The following ZBTB7C variants were observed in gnomAD, a reference collection of about 807,000 sequenced individuals.
ZBTB7C encodes the protein zinc finger and BTB domain-containing protein 7C.
A neutral mutation model predicts 25.7 loss-of-function variants in ZBTB7C; 8 were observed. That is an observed-to-expected ratio of 0.31 (90% confidence interval 0.18 to 0.56). ZBTB7C has a LOEUF of 0.56. Ranked by LOEUF, ZBTB7C falls within the 20% of genes least tolerant of loss-of-function variation. The pLI is 0.91. For synonymous variants in ZBTB7C, 394 were observed against 369.0 expected, an observed-to-expected ratio of 1.07 and a Z score of -0.78; for missense variants, 824 against 855.2, an observed-to-expected ratio of 0.96 and a Z score of 0.46.
chr18:48,373,495 A>T (rs1215775070), intron 1 of ZBTB7C, among the ~76,000 whole-genome samples: 1 of 151,608 alleles, frequency 6.6e-6, no homozygotes, highest in Non-Finnish European at 1.5e-5. Flanking sequence ...AGAATGATAT[A>T]GTTTGGATAT....
intron 2 of ZBTB7C, among the ~76,000 whole-genome samples, chr18:48,301,015 G>T (rs1237582843): frequency 6.6e-6 from 1 of 152,224 alleles, no homozygotes; most frequent in East Asian, 1.9e-4. Flanking sequence ...TGAGGACTCA[G>T]TAAGGTTGAG....
In ZBTB7C at chr18:48,026,782, G is replaced by A. The variant is rs2035540459; in HGVS notation, c.*2478C>T. On this transcript the variant is annotated 3_prime_UTR_variant, in exon 5 of 5. Coordinates refer to ENST00000590800, the MANE Select transcript of ZBTB7C (RefSeq NM_001318841.2). ...TAAGGTGTCTTTGACATTATTTTAA[G>A]TTTATGACACCCAACAATTAAAAAC... 6.7e-6 allele frequency: 1 copy of A among 148,326 alleles called. No individual in the cohort carries two copies. The highest frequency in any genetic ancestry group is 2.5e-5 in the African/African-American group (1 of 39,862). 9.2% of individuals were successfully genotyped at this position (148,326 alleles called of 1,614,324 possible). A position where few individuals can be genotyped will look rare whatever the true frequency, so the allele number is the denominator to read the frequency against.
chr18:48,232,612 G>T (rs112289883), intron 2 of ZBTB7C, among the ~76,000 whole-genome samples: 3,690 of 152,052 alleles, frequency 0.024, 49 homozygotes, highest in Middle Eastern at 0.078. Context: ...TAATAAAATG[G>T]ATTGTTATTT....
At chr18:48,407,569 C>T (rs2048309306) in intron 1 of ZBTB7C, among the ~76,000 whole-genome samples, 1 of 152,192 alleles carries the variant, frequency 6.6e-6, no homozygotes, top group Non-Finnish European at 1.5e-5. Flanking sequence ...GTCTCTCCAC[C>T]CTTGCCTGGA....
chr18:48,238,578 G>A (rs1298349040), intron 2 of ZBTB7C, among the ~76,000 whole-genome samples: 1 of 152,172 alleles, frequency 6.6e-6, no homozygotes, highest in Non-Finnish European at 1.5e-5. Flanking sequence ...AATTTAGAGA[G>A]CCGAATGAAA....
intron 1 of ZBTB7C, among the ~76,000 whole-genome samples, chr18:48,366,804 G>A (rs1022790796): frequency 1.3e-5 from 2 of 152,172 alleles, no homozygotes; most frequent in East Asian, 3.9e-4. Flanking sequence ...ACCAGCGAGT[G>A]TATAACAATT....
intron 3 of ZBTB7C, among the ~76,000 whole-genome samples, chr18:48,128,422 C>T (rs538172386): frequency 9.2e-5 from 14 of 152,312 alleles, no homozygotes; most frequent in African/African-American, 2.6e-4. Context: ...GTCTGCTGGC[C>T]GGTTCACAAT....
chr18:48,257,909 C>G (rs1367874273), intron 2 of ZBTB7C, among the ~76,000 whole-genome samples: 1 of 152,054 alleles, frequency 6.6e-6, no homozygotes, highest in Admixed American at 6.6e-5. Flanking sequence ...TAGCTTGCAC[C>G]TATAATCCCA....
At chr18:48,282,913 C>T (rs2144645232) in intron 2 of ZBTB7C, among the ~76,000 whole-genome samples, 1 of 152,256 alleles carries the variant, frequency 6.6e-6, no homozygotes. Context: ...TCTTCTATGT[C>T]ATGATTTAGA....
intron 3 of ZBTB7C, among the ~76,000 whole-genome samples, chr18:48,062,782 G>C (rs2037173276): frequency 6.6e-6 from 1 of 152,228 alleles, no homozygotes; most frequent in Non-Finnish European, 1.5e-5. Flanking sequence ...AAGATGTCAG[G>C]GCTGGACAGG....
chr18:48,042,574 C>G (rs539702973), intron 3 of ZBTB7C, among the ~76,000 whole-genome samples: 103 of 152,296 alleles, frequency 6.8e-4, no homozygotes, highest in African/African-American at 2.4e-3. Flanking sequence ...AGTATACGCT[C>G]ATAAAGTGTG....
intron 3 of ZBTB7C, among the ~76,000 whole-genome samples, chr18:48,176,005 C>G (rs2041663374): frequency 6.6e-6 from 1 of 152,104 alleles, no homozygotes; most frequent in African/African-American, 2.4e-5. Context: ...TAGGGAGAGA[C>G]CGATGAGGAG....
intron 3 of ZBTB7C, among the ~76,000 whole-genome samples, chr18:48,104,044 T>A (rs567523511): frequency 6.6e-6 from 1 of 152,154 alleles, no homozygotes; most frequent in South Asian, 2.1e-4. Flanking sequence ...ACTCCGAATA[T>A]ACTAAAAACT....
intron 1 of ZBTB7C, among the ~76,000 whole-genome samples, chr18:48,397,843 TCTC>T (rs1249256255): frequency 6.6e-6 from 1 of 152,352 alleles, no homozygotes; most frequent in Middle Eastern, 3.4e-3. Flanking sequence ...GTCTTGGGCT[TCTC>T]CTGATCCCCT....
intron 2 of ZBTB7C, among the ~76,000 whole-genome samples, chr18:48,200,382 C>A (rs1462709984): frequency 1.3e-5 from 2 of 151,906 alleles, no homozygotes; most frequent in Non-Finnish European, 2.9e-5. Flanking sequence ...ACAGGCCAGA[C>A]CAGGGAAGGA....
intron 3 of ZBTB7C, among the ~76,000 whole-genome samples, chr18:48,158,384 C>T (rs2144932085): frequency 6.6e-6 from 1 of 152,294 alleles, no homozygotes; most frequent in East Asian, 1.9e-4. Context: ...GACACACACA[C>T]AGGAGCTGGG....
intron 1 of ZBTB7C, chr18:48,374,221 C>T (rs116686869): frequency 6.6e-6 from 1 of 152,228 alleles, no homozygotes; most frequent in East Asian, 1.9e-4. Flanking sequence ...ATACAGCTCA[C>T]CTCAGTGTCC....
intron 3 of ZBTB7C, among the ~76,000 whole-genome samples, chr18:48,063,312 C>G (rs748181698): frequency 2.3e-4 from 35 of 152,374 alleles, no homozygotes; most frequent in Non-Finnish European, 3.5e-4. Context: ...TTTTCCCCCC[C>G]AGCTTACACC....
At chr18:48,163,971 T>C (rs1568269471) in intron 3 of ZBTB7C, among the ~76,000 whole-genome samples, 1 of 152,154 alleles carries the variant, frequency 6.6e-6, no homozygotes, top group Non-Finnish European at 1.5e-5. Flanking sequence ...GGATTTGCCT[T>C]TGTGATCAGC....
Sources: allele counts gnomAD v4.1 joint callset (sites outside exome capture counted in the v4.1 genomes callset), GRCh38; gene constraint gnomAD v4.1.1; transcripts MANE v1.5; gene names NCBI Gene and HGNC (gene_info 2026-07-23, HGNC 2026-07-21).